NOX3: variants seen among roughly 807,000 people sequenced by gnomAD.
The protein encoded by NOX3 is NADPH oxidase 3.
In NOX3, 74 loss-of-function variants were observed where a neutral mutation model predicts 76.7. The ratio of observed to expected loss-of-function variants is 0.96; its 90% CI spans 0.80 to 1.17. The LOEUF is 1.17. Among genes scored for constraint, NOX3 ranks in the 50% most tolerant of loss-of-function variants. The pLI is 0.00. For missense variants in NOX3, 695 were observed against 703.3 expected, an observed-to-expected ratio of 0.99 and a Z score of 0.13; for synonymous variants, 263 against 261.1, an observed-to-expected ratio of 1.01 and a Z score of -0.07.
intron 4 of NOX3, among the ~76,000 whole-genome samples, chr6:155,450,735 C>G (rs1346471704): frequency 6.6e-6 from 1 of 152,104 alleles, no homozygotes; most frequent in Non-Finnish European, 1.5e-5. Context: ...GGATCAAAGG[C>G]ACAGAATGCT....
chr6:155,419,229 T>C (rs1023387488), intron 10 of NOX3, among the ~76,000 whole-genome samples: 2 of 152,186 alleles, frequency 1.3e-5, no homozygotes, highest in African/African-American at 4.8e-5. Flanking sequence ...AGAGAGAAAC[T>C]TCCTAAACCT....
intron 10 of NOX3, among the ~76,000 whole-genome samples, chr6:155,418,240 CT>C (rs964510681): frequency 2.0e-5 from 3 of 152,030 alleles, no homozygotes; most frequent in African/African-American, 7.2e-5. Flanking sequence ...TTCAAGAGCT[CT>C]TTTCACAAAT....
At chr6:155,396,319 G>A (rs1346600611) in intron 13 of NOX3, among the ~76,000 whole-genome samples, 2 of 152,188 alleles carry the variant, frequency 1.3e-5, no homozygotes, top group Non-Finnish European at 2.9e-5. Flanking sequence ...GAAAAGATCA[G>A]GTTTGGATAT....
At chr6:155,410,385 A>G (rs1418996136) in intron 11 of NOX3, among the ~76,000 whole-genome samples, 1 of 152,076 alleles carries the variant, frequency 6.6e-6, no homozygotes, top group Non-Finnish European at 1.5e-5. Flanking sequence ...GTAGTGATTA[A>G]TGTCAATCTC....
chr6:155,407,743 G>A (rs1156465164), intron 11 of NOX3, among the ~76,000 whole-genome samples: 3 of 152,154 alleles, frequency 2.0e-5, no homozygotes, highest in Non-Finnish European at 4.4e-5. Context: ...CTGCCTAGTG[G>A]GTTTAAACGG....
intron 7 of NOX3, among the ~76,000 whole-genome samples, chr6:155,432,643 A>T (rs1776849602): frequency 6.6e-6 from 1 of 152,038 alleles, no homozygotes; most frequent in Non-Finnish European, 1.5e-5. Context: ...TCTCACCTAC[A>T]TCAACCCTCT....
chr6:155,446,789 T>C (rs1205071484), intron 4 of NOX3, among the ~76,000 whole-genome samples: 1 of 152,170 alleles, frequency 6.6e-6, no homozygotes, highest in Non-Finnish European at 1.5e-5. Context: ...TTGGTGTAAA[T>C]GCTCCTTTTA....
intron 7 of NOX3, among the ~76,000 whole-genome samples, chr6:155,431,929 C>A (rs971700284): frequency 6.6e-6 from 1 of 152,132 alleles, no homozygotes; most frequent in African/African-American, 2.4e-5. Flanking sequence ...GCCATATTAT[C>A]GTGGTCCTTT....
chr6:155,404,158 A>G (rs972827388), intron 12 of NOX3, among the ~76,000 whole-genome samples: 6 of 151,902 alleles, frequency 3.9e-5, no homozygotes, highest in African/African-American at 1.4e-4. Flanking sequence ...GAAAATAGCA[A>G]CAAAAACCCC....
chr6:155,450,270 AC>A (rs952845027), intron 4 of NOX3, among the ~76,000 whole-genome samples: 1 of 151,940 alleles, frequency 6.6e-6, no homozygotes, highest in Non-Finnish European at 1.5e-5. Context: ...GAGAAAGAGC[AC>A]CCTGCTTTCT....
rs200010606 is a variant in NOX3, at chr6:155,429,033, G to A, written c.906C>T (p.Pro302=). Residue 302 remains proline (P), a synonymous_variant, in exon 9 of 14, where the codon CCC becomes CCT. Coordinates refer to ENST00000159060, the MANE Select transcript of NOX3 (RefSeq NM_015718.3). ...EVVITKVVSH[P]SGVLELHMKK... ...TCATGTGAAGTTCCAGGACTCCAGAGGGGTGGCTTACCACCTATGTGAGAG... is the reference window on the plus strand; with the variant it reads ...TCATGTGAAGTTCCAGGACTCCAGAAGGGTGGCTTACCACCTATGTGAGAG... 104 of 1,599,458 alleles carry A rather than the reference G, an allele frequency of 6.5e-5. No homozygotes were observed. The highest frequency in any genetic ancestry group is 3.3e-4 in the Middle Eastern group (2 of 6,036).
chr6:155,403,872 G>A (rs1417139650), intron 12 of NOX3, among the ~76,000 whole-genome samples: 1 of 151,876 alleles, frequency 6.6e-6, no homozygotes, highest in East Asian at 1.9e-4. Context: ...TAAATAGTTT[G>A]GTTTTAAAGG....
chr6:155,452,159 T>C (rs1777153704), intron 4 of NOX3, among the ~76,000 whole-genome samples: 1 of 152,202 alleles, frequency 6.6e-6, no homozygotes, highest in Non-Finnish European at 1.5e-5. Flanking sequence ...TGGTCTCTGT[T>C]TGGACATCAC....
intron 12 of NOX3, among the ~76,000 whole-genome samples, chr6:155,398,761 G>T (rs1779173744): frequency 6.6e-6 from 1 of 152,146 alleles, no homozygotes; most frequent in African/African-American, 2.4e-5. Context: ...CTTCGTTGCT[G>T]GGTAACTTTG....
intron 11 of NOX3, among the ~76,000 whole-genome samples, chr6:155,409,825 A>G (rs1251657171): frequency 1.3e-5 from 2 of 152,192 alleles, no homozygotes; most frequent in East Asian, 3.8e-4. Flanking sequence ...AAAAAAATAT[A>G]TGTTTTATAG....
chr6:155,416,876 G>A (rs572550514), intron 10 of NOX3, among the ~76,000 whole-genome samples: 5 of 149,654 alleles, frequency 3.3e-5, no homozygotes, highest in Non-Finnish European at 7.4e-5. Context: ...TCAGCCTCCC[G>A]AGTAGCTGGG....
chr6:155,449,760 G>T (rs1421812173), intron 4 of NOX3, among the ~76,000 whole-genome samples: 1 of 152,174 alleles, frequency 6.6e-6, no homozygotes, highest in Non-Finnish European at 1.5e-5. Context: ...TGCAAACTTC[G>T]ATGTGGTCGC....
chr6:155,438,020 A>G (rs1419532731), intron 6 of NOX3, among the ~76,000 whole-genome samples: 1 of 152,210 alleles, frequency 6.6e-6, no homozygotes, highest in Non-Finnish European at 1.5e-5. Context: ...TTTGGATATC[A>G]AAAATATCTC....
At chr6:155,428,683 C>T in intron 9 of NOX3, 111 bp downstream of exon 9, 3 of 1,081,368 alleles carry the variant, frequency 2.8e-6, no homozygotes, top group Non-Finnish European at 3.7e-6. Context: ...GACACAGTCT[C>T]AAACTCACCA....
Sources: allele counts gnomAD v4.1 joint callset (sites outside exome capture counted in the v4.1 genomes callset), GRCh38; gene constraint gnomAD v4.1.1; transcripts MANE v1.5; gene names NCBI Gene and HGNC (gene_info 2026-07-23, HGNC 2026-07-21).